MR1: variants seen among roughly 807,000 people sequenced by gnomAD.
MR1 encodes major histocompatibility complex, class I-related, also known as major histocompatibility complex class I-related protein 1.
Under a neutral mutation model 37.8 loss-of-function variants are expected in MR1, and 44 were observed. The ratio of observed to expected loss-of-function variants is 1.16; its 90% CI spans 0.91 to 1.50. MR1 has a LOEUF of 1.50. MR1 is among the 40% of genes most tolerant of loss of function. The pLI is 0.00. For synonymous variants in MR1, 153 were observed against 155.8 expected (o/e 0.98, Z 0.13); for missense variants, 386 against 419.1 (o/e 0.92, Z 0.69).
Position 181,053,663 on chromosome 1 carries a change from G to A in MR1, c.971G>A (p.Arg324Lys). 3.7e-6 allele frequency: 6 copies of A among 1,613,106 alleles called. No individual in the cohort carries two copies. The South Asian group carries it at 6.6e-5, about 18-fold the overall frequency. Reference protein sequence around the residue: ...VLAGVGVLVWRRRPREQNGAI... With the variant: ...VLAGVGVLVWKRRPREQNGAI... ...GCTGGAGTTGGTGTTCTAGTCTGGA[G>A]AAGAAGGCCCCGAGGTGAGAGGCAC... Residue 324 changes from arginine to lysine, a missense_variant, in exon 5 of 6, where the codon AGA becomes AAA. Physicochemically the swap from Arg to Lys is conservative, Grantham distance 26. Coordinates refer to ENST00000367580, the MANE Select transcript of MR1 (RefSeq NM_001385161.1).
rs1658690348 is a variant in MR1 at position 181,057,678 on chromosome 1, T to G, written c.*2413T>G. On this transcript the variant is annotated 3_prime_UTR_variant, in exon 6 of 6. Transcript: ENST00000367580. ...CATTTATGTTTCTTCCTGGGGGATT[T>G]TATAATACTAAAAGAATCATAATAT... The G allele has an allele frequency of 6.6e-6, 1 of 152,172 alleles. No homozygotes were observed. 9.4% of individuals were successfully genotyped at this position (152,172 alleles called of 1,614,324 possible).
intron 2 of MR1, chr1:181,049,547 A>G (rs1658168644): frequency 1.7e-6 from 1 of 581,942 alleles, no homozygotes; most frequent in Non-Finnish European, 3.0e-6. Flanking sequence ...CCATCTCTGT[A>G]TCCGTATCTG....
intron 1 of MR1, among the ~76,000 whole-genome samples, chr1:181,042,638 C>CA: frequency 6.6e-6 from 1 of 151,494 alleles, no homozygotes; most frequent in Non-Finnish European, 1.5e-5. Flanking sequence ...CCCGTCTATA[C>CA]TAAAAAAAAA....
At chr1:181,047,065 G>A (rs750017705) in intron 1 of MR1, among the ~76,000 whole-genome samples, 2 of 151,948 alleles carry the variant, frequency 1.3e-5, no homozygotes, top group Non-Finnish European at 2.9e-5. Context: ...CACCAATTGC[G>A]GACACACCAC....
At chr1:181,037,410 A>C (rs1438131406) in intron 1 of MR1, among the ~76,000 whole-genome samples, 2 of 152,160 alleles carry the variant, frequency 1.3e-5, no homozygotes, top group Non-Finnish European at 2.9e-5. Flanking sequence ...CTCCAAGACA[A>C]TGTTTCACTC....
At chr1:181,053,202 T>G (rs1658422294) in intron 4 of MR1, among the ~76,000 whole-genome samples, 1 of 151,974 alleles carries the variant, frequency 6.6e-6, no homozygotes, top group Admixed American at 6.6e-5. Flanking sequence ...GGCAACATAC[T>G]GAGATCTCAT....
intron 1 of MR1, among the ~76,000 whole-genome samples, chr1:181,047,322 C>T (rs535357678): frequency 5.3e-5 from 8 of 152,002 alleles, no homozygotes; most frequent in Non-Finnish European, 8.8e-5. Context: ...AAATTTCGGC[C>T]GGCCATGGTG....
rs1658130820 is a variant in MR1 at position 181,049,151 on chromosome 1, C to T, written c.167C>T (p.Thr56Ile). ...SVGYVDSHPITTYDSVTRQKE... is the reference protein window; with the variant it reads ...SVGYVDSHPIITYDSVTRQKE... ...GGGTACGTGGACTCGCACCCTATCA[C>T]CACATATGACAGTGTCACTCGGCAG... Residue 56 changes from threonine to isoleucine, a missense_variant, in exon 2 of 6, where the codon ACC becomes ATC. Thr to Ile is a moderately conservative substitution (Grantham distance 89). Coordinates refer to ENST00000367580, the MANE Select transcript of MR1 (RefSeq NM_001385161.1). 1 of 1,614,230 alleles carries T rather than the reference C, an allele frequency of 6.2e-7. No homozygotes were observed. Among genetic ancestry groups the T allele is most frequent in the South Asian group, 1.1e-5 (1 of 91,088 alleles).
intron 5 of MR1, among the ~76,000 whole-genome samples, chr1:181,055,000 A>G (rs1658536106): frequency 6.6e-6 from 1 of 152,248 alleles, no homozygotes; most frequent in African/African-American, 2.4e-5. Flanking sequence ...ATTTTTTTAC[A>G]ATGACATCCC....
chr1:181,036,319 G>A (rs1192278668), intron 1 of MR1, among the ~76,000 whole-genome samples: 2 of 152,046 alleles, frequency 1.3e-5, no homozygotes, highest in Non-Finnish European at 2.9e-5. Context: ...CGTTAACCTT[G>A]ACCATATCTC....
At position 181,055,390 on chromosome 1, in the gene MR1, T is replaced by C. The variant is rs1455736706; in HGVS notation, c.*125T>C. ...CACAACATACATGAGAGTAATGGGATTGAGCATTTATGGCAGCAACAGAGG... is the reference window on the plus strand; with the variant it reads ...CACAACATACATGAGAGTAATGGGACTGAGCATTTATGGCAGCAACAGAGG... On this transcript the variant is annotated 3_prime_UTR_variant, in exon 6 of 6. Transcript: ENST00000367580. 2.4e-6 allele frequency: 2 copies of C among 836,544 alleles called. No individual in the cohort carries two copies. Among genetic ancestry groups the C allele is most frequent in the Admixed American group, 2.4e-5 (1 of 41,852 alleles). 51.8% of individuals were successfully genotyped at this position (836,544 alleles called of 1,614,324 possible). A position where few individuals can be genotyped will look rare whatever the true frequency, so the allele number is the denominator to read the frequency against.
chr1:181,050,169 C>G lies in MR1; in HGVS notation c.487C>G (p.Gln163Glu), dbSNP rs761425250. The G allele has an allele frequency of 2.5e-6, 4 of 1,614,234 alleles. No homozygotes were observed. In the East Asian group the frequency reaches 6.7e-5, roughly 27 times the overall value. Residue 163 changes from glutamine to glutamate, a missense_variant, in exon 3 of 6, where the codon CAG becomes GAG. By Grantham distance (29) the Gln-to-Glu change is conservative. Coordinates refer to ENST00000367580, the MANE Select transcript of MR1 (RefSeq NM_001385161.1). Reference sequence around the variant, plus strand: ...AGATAATGTGGCTCACACCATCAAGCAGGCATGGGAGGCCAATCAGCATGA... The same window carrying G: ...AGATAATGTGGCTCACACCATCAAGGAGGCATGGGAGGCCAATCAGCATGA... ...AVDNVAHTIK[Q>E]AWEANQHELL...
intron 1 of MR1, among the ~76,000 whole-genome samples, chr1:181,047,032 T>G (rs1657920733): frequency 6.6e-6 from 1 of 152,154 alleles, no homozygotes; most frequent in South Asian, 2.1e-4. Flanking sequence ...GCTTCATTCT[T>G]GAAGTCAGTG....
intron 1 of MR1, among the ~76,000 whole-genome samples, chr1:181,043,359 G>A (rs1400363612): frequency 6.6e-6 from 1 of 152,220 alleles, no homozygotes; most frequent in Non-Finnish European, 1.5e-5. Flanking sequence ...CATGGGGCGG[G>A]GATACCTACT....
chr1:181,055,109 A>G, intron 5 of MR1, 116 bp from the exon 6 acceptor site: 1 of 910,434 alleles, frequency 1.1e-6, no homozygotes, highest in South Asian at 1.5e-5. Flanking sequence ...AATCTTGACA[A>G]AGCAAGCTAA....
At chr1:181,037,052 G>A (rs893287049) in intron 1 of MR1, 5 of 152,216 alleles carry the variant, frequency 3.3e-5, no homozygotes, top group Non-Finnish European at 7.3e-5. Context: ...CTGGGGGCTG[G>A]CATGAGATTT....
At chr1:181,048,612 T>TG (rs934303803) in intron 1 of MR1, among the ~76,000 whole-genome samples, 6 of 151,240 alleles carry the variant, frequency 4.0e-5, no homozygotes, top group South Asian at 4.2e-4. Context: ...AGAGGTGGAG[T>TG]GGGGGTCCTC....
intron 5 of MR1, 94 bp downstream of exon 5, chr1:181,053,771 G>T: frequency 1.1e-6 from 1 of 911,022 alleles, no homozygotes; most frequent in South Asian, 1.5e-5. Context: ...CCTCCATTCA[G>T]AAATGGCTTG....
intron 1 of MR1, among the ~76,000 whole-genome samples, chr1:181,038,948 C>T (rs558081931): frequency 6.6e-6 from 1 of 152,296 alleles, no homozygotes; most frequent in East Asian, 1.9e-4. Context: ...GGATTACAGG[C>T]ATGCGCCACC....
Sources: gnomAD v4.1 joint callset for allele counts (sites outside exome capture counted in the v4.1 genomes callset) on GRCh38, gnomAD v4.1.1 for gene constraint, MANE v1.5 for transcripts, NCBI Gene and HGNC (gene_info 2026-07-23, HGNC 2026-07-21) for gene names.